Variants in DNAH6 observed in about 807,000 individuals in gnomAD.
DNAH6 encodes axonemal beta dynein heavy chain 6.
In DNAH6, 340 loss-of-function variants were observed where a neutral mutation model predicts 491.4. The ratio of observed to expected loss-of-function variants is 0.69; its 90% CI spans 0.63 to 0.76. DNAH6 has a LOEUF of 0.76. DNAH6 is among the 30% of genes least tolerant of loss of function. The pLI is 0.00. For missense variants in DNAH6, 4,443 were observed against 4,972.2 expected (o/e 0.89, Z 3.20); for synonymous variants, 1,603 against 1,686.1 (o/e 0.95, Z 1.21).
At position 84,797,673 on chromosome 2, in the gene DNAH6, A is replaced by G. The variant is rs1348829620; in HGVS notation, c.11481+15A>G. 6.5e-7 allele frequency: 1 copy of G among 1,546,490 alleles called. No individual in the cohort carries two copies. The highest frequency in any genetic ancestry group is 2.0e-5 in the Admixed American group (1 of 50,936). On this transcript the variant is annotated intron_variant, in intron 70 of 76. Transcript: ENST00000389394. ...TAGTCTTCCAGGTATGTGGCCTTTC[A>G]TCTTAAAATACATATTTATGTTGTG...
At chr2:84,578,808 A>G (rs1029660387) in intron 13 of DNAH6, among the ~76,000 whole-genome samples, 1 of 152,216 alleles carries the variant, frequency 6.6e-6, no homozygotes, top group Non-Finnish European at 1.5e-5. Context: ...GGAACCTGAT[A>G]GAAAGTGATT....
At chr2:84,766,159 A>C (rs1293931971) in intron 64 of DNAH6, among the ~76,000 whole-genome samples, 2 of 151,960 alleles carry the variant, frequency 1.3e-5, no homozygotes, top group African/African-American at 2.4e-5. Context: ...GTCATGAAGC[A>C]AACAAAAGTT....
chr2:84,564,938 T>G (rs1312677132), intron 11 of DNAH6, among the ~76,000 whole-genome samples: 3 of 152,192 alleles, frequency 2.0e-5, no homozygotes, highest in Admixed American at 2.0e-4. Flanking sequence ...CTGTGTCTAT[T>G]GAGATGATCA....
the DNAH6 span, among the ~76,000 whole-genome samples, chr2:84,471,354 T>C: frequency 6.6e-6 from 1 of 152,256 alleles, no homozygotes; most frequent in Admixed American, 6.5e-5. Flanking sequence ...TTATTCAAAA[T>C]GGAGTCGCTC....
chr2:84,707,556 G>A lies in DNAH6; in HGVS notation c.8888G>A (p.Arg2963His), dbSNP rs762189059. ...TMALTKARLV[R>H]AGKLTAALED... ...GCCCTGACAAAAGCACGTCTAGTACGTGCTGGAAAGCTGACAGCAGCATTA... is the reference window on the plus strand; with the variant it reads ...GCCCTGACAAAAGCACGTCTAGTACATGCTGGAAAGCTGACAGCAGCATTA... Residue 2963 changes from arginine (R) to histidine (H), a missense_variant, in exon 54 of 77, where the codon CGT (arginine) becomes CAT (histidine). Physicochemically the swap from Arg to His is conservative, Grantham distance 29 (BLOSUM62 0). Coordinates refer to ENST00000389394, the MANE Select transcript of DNAH6 (RefSeq NM_001370.2). The A allele has an allele frequency of 4.2e-5, 65 of 1,551,740 alleles. No individual in the cohort carries two copies. Among genetic ancestry groups the A allele is most frequent in the Non-Finnish European group, 5.5e-5 (63 of 1,147,010 alleles).
At chr2:84,600,335 T>C (rs1205879887) in intron 18 of DNAH6, among the ~76,000 whole-genome samples, 1 of 152,196 alleles carries the variant, frequency 6.6e-6, no homozygotes, top group African/African-American at 2.4e-5. Context: ...TACATTAGTA[T>C]AATACATTTG....
intron 61 of DNAH6, among the ~76,000 whole-genome samples, chr2:84,732,899 G>GT (rs1699238962): frequency 1.3e-5 from 2 of 152,176 alleles, no homozygotes; most frequent in Non-Finnish European, 1.5e-5. Flanking sequence ...TTTTAAAACT[G>GT]TTTGCCCACA....
At chr2:84,818,856 T>C (rs772139508) in intron 76 of DNAH6, among the ~76,000 whole-genome samples, 7 of 152,170 alleles carry the variant, frequency 4.6e-5, no homozygotes, top group Non-Finnish European at 1.0e-4. Flanking sequence ...AGCGGATCAT[T>C]TGAGGCCAAG....
At position 84,705,583 on chromosome 2, in the gene DNAH6, G is replaced by T; in HGVS notation, c.8563G>T (p.Ala2855Ser). The change falls in exon 52 of 77, where the codon GCA becomes TCA. Residue 2855 changes from alanine to serine, a missense_variant. By Grantham distance (99) the Ala-to-Ser change is moderately conservative. This residue lies in a region of DNAH6 where 1,463 missense variants were observed against 1,656.6 expected (regional missense o/e 0.88). Transcript: ENST00000389394. ...DKENIKPQIL[A>S]KLQKYINNPD... ...GGAGAACATAAAGCCTCAGATATTG[G>T]CAAAGCTTCAAAAGTATATTAATAA... 6.4e-7 allele frequency: 1 copy of T among 1,551,496 alleles called. No individual in the cohort carries two copies. Among genetic ancestry groups the T allele is most frequent in the South Asian group, 1.2e-5 (1 of 84,032 alleles).
In DNAH6 at chr2:84,652,403, C is replaced by A. The variant is rs186798512; in HGVS notation, c.5079-916C>A. ...TTATTTATAATTATTATTCTTGGAG[C>A]ATGTTCCTATTGTACTCTTACTTAT... On this transcript the variant is annotated intron_variant, in intron 33 of 76. Coordinates refer to ENST00000389394, the MANE Select transcript of DNAH6 (RefSeq NM_001370.2). Among the ~76,000 whole-genome samples, 9 of 152,078 alleles carry A rather than the reference C, an allele frequency of 5.9e-5. No individual in the cohort carries two copies. The East Asian group carries it at 1.7e-3, about 29-fold the overall frequency.
chr2:84,524,015 C>G (rs1254118666), intron 2 of DNAH6, among the ~76,000 whole-genome samples: 2 of 151,760 alleles, frequency 1.3e-5, no homozygotes, highest in African/African-American at 4.9e-5. Context: ...AATTTTCTGA[C>G]TTGATGATCT....
intron 14 of DNAH6, among the ~76,000 whole-genome samples, chr2:84,583,495 A>G (rs1683242298): frequency 6.6e-6 from 1 of 152,234 alleles, no homozygotes; most frequent in African/African-American, 2.4e-5. Flanking sequence ...GCTTTAGCCA[A>G]TTTGACCGTA....
At chr2:84,583,784 GCCGTGACTGTGAGT>G (rs373176452) in intron 14 of DNAH6, among the ~76,000 whole-genome samples, 1,702 of 152,210 alleles carry the variant, frequency 0.011, 28 homozygotes, top group African/African-American at 0.038. Context: ...CTTGCCTTTA[GCCGTGACTGTGAGT>G]CCTCCCCAGC....
At chr2:84,771,608 C>A (rs1675627904) in intron 64 of DNAH6, among the ~76,000 whole-genome samples, 2 of 152,116 alleles carry the variant, frequency 1.3e-5, no homozygotes. Context: ...ATAAGAGATT[C>A]TCAGTAAAAT....
At chr2:84,672,221 T>C (rs1468299340) in intron 39 of DNAH6, 106 bp from the exon 40 acceptor site, 2 of 1,176,802 alleles carry the variant, frequency 1.7e-6, no homozygotes, top group East Asian at 5.2e-5. Context: ...CTGAGCTCTT[T>C]ATGACCTGTA....
intron 70 of DNAH6, among the ~76,000 whole-genome samples, chr2:84,799,523 G>A (rs1276912192): frequency 2.0e-5 from 3 of 152,238 alleles, no homozygotes; most frequent in African/African-American, 7.2e-5. Context: ...TAGGCAGCAG[G>A]TGCCATATTG....
intron 41 of DNAH6, among the ~76,000 whole-genome samples, chr2:84,678,264 G>C (rs1056987566): frequency 5.3e-5 from 8 of 152,172 alleles, no homozygotes; most frequent in African/African-American, 1.9e-4. Flanking sequence ...AATAGGAAAA[G>C]ATGGGAGCTT....
chr2:84,686,987 T>G (rs1694322464), intron 44 of DNAH6, among the ~76,000 whole-genome samples: 1 of 152,246 alleles, frequency 6.6e-6, no homozygotes, highest in South Asian at 2.1e-4. Context: ...GTCTTTTAAC[T>G]CAGGACTTCC....
chr2:84,768,697 G>A (rs1391263820), intron 64 of DNAH6, among the ~76,000 whole-genome samples: 1 of 152,050 alleles, frequency 6.6e-6, no homozygotes, highest in African/African-American at 2.4e-5. Flanking sequence ...CTAAATAAAG[G>A]ATGGATATGC....
Sources: allele counts gnomAD v4.1 joint callset (sites outside exome capture counted in the v4.1 genomes callset), GRCh38; gene constraint gnomAD v4.1.1; regional missense constraint gnomAD v4.1.1; transcripts MANE v1.5; gene names NCBI Gene and HGNC (gene_info 2026-07-23, HGNC 2026-07-21).